GVQW3: variants seen among roughly 807,000 people sequenced by gnomAD.
The protein encoded by GVQW3 is protein GVQW3.
A neutral mutation model predicts 12.5 loss-of-function variants in GVQW3; 7 were observed. The observed-to-expected ratio is 0.56, with a 90% CI of 0.32 to 1.05. The LOEUF (loss-of-function observed/expected upper bound fraction) is 1.05. Ranked by LOEUF, GVQW3 falls within the 50% of genes least tolerant of loss-of-function variation. GVQW3 has a pLI of 0.04. For synonymous variants in GVQW3, 71 were observed against 67.2 expected (o/e 1.06, Z -0.28); for missense variants, 188 against 190.8 (o/e 0.99, Z 0.09).
At chr11:76,388,862 TAGA>T (rs1946863450) in intron 1 of GVQW3, among the ~76,000 whole-genome samples, 5 of 152,190 alleles carry the variant, frequency 3.3e-5, no homozygotes, top group African/African-American at 1.2e-4. Flanking sequence ...TATTATCCTT[TAGA>T]CAGATCTATA....
In GVQW3 at chr11:76,382,246, G is replaced by C. The variant is rs746023755; in HGVS notation, c.418G>C (p.Asp140His). ...ACCACGAAAACTTGACTTTCGGTCC[G>C]ATCTTTCAAAGGAAACTAGGAAAAA... ...PKPRKLDFRS[D>H]LSKETRKNSS... The change falls in exon 1 of 2, where the codon GAT becomes CAT. Residue 140 changes from aspartate to histidine, a missense_variant. Physicochemically the swap from Asp to His is moderately conservative, Grantham distance 81. Transcript: ENST00000529331. 3 of 1,535,574 alleles carry C rather than the reference G, an allele frequency of 2.0e-6. No homozygotes were observed. Among genetic ancestry groups the C allele is most frequent in the East Asian group, 4.9e-5 (2 of 40,930 alleles).
downstream of GVQW3, among the ~76,000 whole-genome samples, chr11:76,410,461 A>G (rs1477290589): frequency 1.3e-5 from 2 of 150,966 alleles, no homozygotes; most frequent in Non-Finnish European, 2.9e-5. Flanking sequence ...ATTCTACTAT[A>G]TTCCTTATGA....
Position 76,402,991 on chromosome 11 carries a change from A to T in GVQW3, c.466-669A>T, listed in dbSNP as rs184014643. Among the ~76,000 whole-genome samples, 118 of 152,096 alleles carry T rather than the reference A, an allele frequency of 7.8e-4. 2 individuals carry two copies. In the East Asian group the frequency reaches 0.019, roughly 24 times the overall value. Reference sequence around the variant, plus strand: ...GAGACAGAGTCTTACTCTGTCGCCCAGGCTGGAGTGCAGTGGCGCAATCTC... The same window carrying T: ...GAGACAGAGTCTTACTCTGTCGCCCTGGCTGGAGTGCAGTGGCGCAATCTC... On this transcript the variant is annotated intron_variant, in intron 1 of 1. Transcript: ENST00000529331.
exon 2 of GVQW3, chr11:76,414,149 ATTGT>A (rs1947099830): frequency 6.6e-6 from 1 of 152,092 alleles, no homozygotes; most frequent in South Asian, 2.1e-4. Flanking sequence ...GGGACAATTC[ATTGT>A]TTGTCCCCAA....
chr11:76,390,391 A>G (rs766582907), intron 1 of GVQW3, among the ~76,000 whole-genome samples: 5 of 152,210 alleles, frequency 3.3e-5, no homozygotes, highest in African/African-American at 7.2e-5. Context: ...AATGCCATCT[A>G]TCTCATGGAG....
intron 1 of GVQW3, among the ~76,000 whole-genome samples, chr11:76,402,860 G>A (rs1019706089): frequency 3.3e-5 from 5 of 151,840 alleles, no homozygotes; most frequent in East Asian, 1.9e-4. Flanking sequence ...CACCACACCC[G>A]ACTAATTTTT....
chr11:76,400,460 G>A (rs60193656), intron 1 of GVQW3, among the ~76,000 whole-genome samples: 15,021 of 148,832 alleles, frequency 0.1, 931 homozygotes, highest in African/African-American at 0.17. Context: ...CACTTTTGTC[G>A]CCCAGGCTGG....
intron 1 of GVQW3, among the ~76,000 whole-genome samples, chr11:76,395,640 G>C (rs1303817981): frequency 6.6e-6 from 1 of 152,142 alleles, no homozygotes; most frequent in Non-Finnish European, 1.5e-5. Flanking sequence ...TTGGAGAATG[G>C]TGTTTAGAAA....
chr11:76,382,385 C>A, intron 1 of GVQW3, 92 bp downstream of exon 1: 1 of 834,254 alleles, frequency 1.2e-6, no homozygotes, highest in Non-Finnish European at 2.0e-6. Context: ...CACTACTCTG[C>A]CAGTCAGCTT....
At chr11:76,403,263 C>T (rs1947008688) in intron 1 of GVQW3, among the ~76,000 whole-genome samples, 1 of 152,116 alleles carries the variant, frequency 6.6e-6, no homozygotes, top group South Asian at 2.1e-4. Context: ...TAGACATTAT[C>T]TCCTGTATTA....
intron 1 of GVQW3, among the ~76,000 whole-genome samples, chr11:76,400,718 C>A (rs1313417141): frequency 1.3e-5 from 2 of 152,136 alleles, no homozygotes; most frequent in Non-Finnish European, 2.9e-5. Flanking sequence ...CTGCACCCGG[C>A]CCCTCTGTTA....
In GVQW3 at chr11:76,382,547, TCAC is replaced by T. The variant is rs1417583673; in HGVS notation, c.465+258_465+260del. 6 of 602,912 alleles carry T rather than the reference TCAC, an allele frequency of 1.0e-5. No homozygotes were observed. In the Admixed American group the frequency reaches 1.5e-4, roughly 15 times the overall value. 37.3% of individuals were successfully genotyped at this position (602,912 alleles called of 1,614,324 possible). On this transcript the variant is annotated intron_variant, in intron 1 of 1. Coordinates refer to ENST00000529331, the MANE Select transcript of GVQW3 (RefSeq NM_001347885.2). Reference sequence around the variant, plus strand: ...TGGCTGCTCACGTATTTTTCAGTCTTCACCACTCCTCCCTATGTGCCATGGCCC... The same window carrying T: ...TGGCTGCTCACGTATTTTTCAGTCTTCACTCCTCCCTATGTGCCATGGCCC...
chr11:76,384,265 TCTTTCA>T (rs908210718), intron 1 of GVQW3, among the ~76,000 whole-genome samples: 7 of 152,254 alleles, frequency 4.6e-5, no homozygotes, highest in South Asian at 2.1e-4. Flanking sequence ...TTAGTGCTGT[TCTTTCA>T]CTTTCTCTAC....
chr11:76,404,084 G>T lies in GVQW3; in HGVS notation c.*326G>T. Reference sequence around the variant, plus strand: ...TCAGTACCCCATGATCCAGTCAAGTGAACATATAAAATTGGCTGTCACATC... The same window carrying T: ...TCAGTACCCCATGATCCAGTCAAGTTAACATATAAAATTGGCTGTCACATC... On this transcript the variant is annotated 3_prime_UTR_variant, in exon 2 of 2. Transcript: ENST00000529331. 1 of 463,420 alleles carries T rather than the reference G, an allele frequency of 2.2e-6. No homozygotes were observed. Among genetic ancestry groups the T allele is most frequent in the Non-Finnish European group, 3.9e-6 (1 of 258,594 alleles). The allele number at this position is 463,420 out of a possible 1,614,324, so 28.7% of individuals were successfully genotyped here.
chr11:76,398,133 T>TC (rs1555029278), intron 1 of GVQW3, among the ~76,000 whole-genome samples: 1 of 89,970 alleles, frequency 1.1e-5, no homozygotes, highest in East Asian at 4.0e-4. Context: ...AGACTGTGTC[T>TC]CAAAAAAAAA....
At chr11:76,409,186 C>A (rs1195413680), downstream of GVQW3, among the ~76,000 whole-genome samples, 3 of 152,146 alleles carry the variant, frequency 2.0e-5, no homozygotes, top group Non-Finnish European at 4.4e-5. Context: ...AACGAATGTA[C>A]ACCGAATGCC....
At chr11:76,410,645 CG>C (rs1947073615), downstream of GVQW3, among the ~76,000 whole-genome samples, 1 of 152,108 alleles carries the variant, frequency 6.6e-6, no homozygotes. Flanking sequence ...TGAGGGGAGG[CG>C]CCTTCCCAGA....
chr11:76,383,347 A>G (rs1325646909), intron 1 of GVQW3: 1 of 152,254 alleles, frequency 6.6e-6, no homozygotes, highest in Admixed American at 6.5e-5. Flanking sequence ...GTTATGAACA[A>G]GATCTCCAAG....
At chr11:76,382,958 G>C (rs1263623734) in intron 1 of GVQW3, 1 of 154,596 alleles carries the variant, frequency 6.5e-6, no homozygotes, top group Non-Finnish European at 1.4e-5. Context: ...GCTGGGCCTA[G>C]GGGCTGATCT....
Sources: allele counts gnomAD v4.1 joint callset (sites outside exome capture counted in the v4.1 genomes callset), GRCh38; gene constraint gnomAD v4.1.1; transcripts MANE v1.5; gene names NCBI Gene and HGNC (gene_info 2026-07-23, HGNC 2026-07-21).